MMP7: variants seen among roughly 807,000 people sequenced by gnomAD.
The protein encoded by MMP7 is matrix metallopeptidase 7, also known as matrilysin.
MMP7 carries 26 observed loss-of-function variants against 31.5 expected under a neutral mutation model. The observed-to-expected ratio is 0.83, with a 90% CI of 0.61 to 1.15. MMP7 has a LOEUF of 1.15. MMP7 is among the 50% of genes most tolerant of loss of function. MMP7 has a pLI of 0.00. For synonymous variants in MMP7, 142 were observed against 124.2 expected (o/e 1.14, Z -0.95); for missense variants, 367 against 326.5 (o/e 1.12, Z -0.96).
chr11:102,522,873 T>C lies in MMP7; in HGVS notation c.775+367A>G, dbSNP rs187004098. ...TTATCTAGGATTGAATCCTTAGGAG[T>C]GGGCAGCTATGAAGAAAGGTGTTTT... On this transcript the variant is annotated intron_variant, in intron 5 of 5. Coordinates refer to ENST00000260227, the MANE Select transcript of MMP7 (RefSeq NM_002423.5). Among the ~76,000 whole-genome samples, 19 of 152,046 alleles carry C rather than the reference T, an allele frequency of 1.2e-4. No homozygotes were observed. In the East Asian group the frequency reaches 3.1e-3, roughly 25 times the overall value.
At chr11:102,528,036 T>A (rs1858694033) in intron 1 of MMP7, 53 bp from the exon 2 acceptor site, 1 of 1,317,712 alleles carries the variant, frequency 7.6e-7, no homozygotes, top group Non-Finnish European at 1.1e-6. Flanking sequence ...TATTCTTTTA[T>A]CTTAGAAGCC....
At position 102,530,746 on chromosome 11, in the gene MMP7, G is replaced by A. The variant is rs773791591; in HGVS notation, c.-46C>T. 6.4e-7 allele frequency: 1 copy of A among 1,554,026 alleles called. No homozygotes were observed. The highest frequency in any genetic ancestry group is 1.1e-5 in the South Asian group (1 of 88,566). On this transcript the variant is annotated 5_prime_UTR_variant, in exon 1 of 6. Transcript: ENST00000260227. ...TGTTCTTGGACCTATGGTTGATTTG[G>A]TGTTTTCTGCTAGTGACTGCAGAAA...
intron 3 of MMP7, 54 bp from the exon 4 acceptor site, chr11:102,525,118 C>T (rs1484242105): frequency 3.2e-6 from 5 of 1,563,692 alleles, no homozygotes; most frequent in Non-Finnish European, 4.3e-6. Context: ...TTTCTCCAGT[C>T]ATTTTATTTT....
At chr11:102,526,496 C>T (rs993925193) in intron 3 of MMP7, among the ~76,000 whole-genome samples, 6 of 152,014 alleles carry the variant, frequency 3.9e-5, no homozygotes, top group Admixed American at 1.3e-4. Flanking sequence ...CTTGGCCTCC[C>T]GAAGTGCTGG....
intron 3 of MMP7, 104 bp from the exon 4 acceptor site, chr11:102,525,168 G>A (rs2135904142): frequency 7.1e-7 from 1 of 1,401,818 alleles, no homozygotes; most frequent in Non-Finnish European, 9.5e-7. Flanking sequence ...AAGCAGCCCA[G>A]TCCAGGCCAG....
chr11:102,526,526 C>A (rs779116240), intron 3 of MMP7, among the ~76,000 whole-genome samples: 3 of 152,106 alleles, frequency 2.0e-5, no homozygotes, highest in Non-Finnish European at 4.4e-5. Context: ...CGTGAGCCAC[C>A]ACACCCTGCT....
intron 3 of MMP7, among the ~76,000 whole-genome samples, chr11:102,526,814 T>C (rs1046850900): frequency 1.3e-4 from 20 of 152,224 alleles, no homozygotes; most frequent in African/African-American, 4.6e-4. Context: ...CCTAGTGATA[T>C]AGTAGTTGTG....
intron 5 of MMP7, among the ~76,000 whole-genome samples, chr11:102,522,719 C>G (rs1858626468): frequency 6.6e-6 from 1 of 152,054 alleles, no homozygotes; most frequent in Admixed American, 6.5e-5. Context: ...TTGATTAAAC[C>G]AAAAAAGCAT....
At chr11:102,522,087 A>C (rs1858619598) in intron 5 of MMP7, among the ~76,000 whole-genome samples, 2 of 152,220 alleles carry the variant, frequency 1.3e-5, no homozygotes, top group Admixed American at 1.3e-4. Context: ...CTAATAGTCT[A>C]TACACCTGAA....
In MMP7 at chr11:102,523,357, A is replaced by C. The variant is rs749896800; in HGVS notation, c.658T>G (p.Leu220Val). The change falls in exon 5 of 6, where the codon TTG becomes GTG. Residue 220 changes from leucine to valine, a missense_variant. Physicochemically the swap from Leu to Val is conservative, Grantham distance 32 (BLOSUM62 1). Transcript: ENST00000260227. ...GGATCAGAGGAATGTCCCATACCCA[A>C]AGAATGGCCAAGTTCATGAGTTGCA... ...YAATHELGHS[L>V]GMGHSSDPNA... The C allele has an allele frequency of 6.2e-7, 1 of 1,611,082 alleles. No homozygotes were observed.
At chr11:102,529,372 T>C (rs1858707279) in intron 1 of MMP7, among the ~76,000 whole-genome samples, 1 of 152,194 alleles carries the variant, frequency 6.6e-6, no homozygotes, top group Non-Finnish European at 1.5e-5. Flanking sequence ...CTGGAAGAAA[T>C]CTCTCTGCTT....
intron 4 of MMP7, 62 bp from the exon 5 acceptor site, chr11:102,523,463 A>G (rs1209918959): frequency 5.6e-5 from 70 of 1,239,954 alleles, no homozygotes; most frequent in Non-Finnish European, 6.6e-5. Flanking sequence ...ATGTAATATT[A>G]TATATATGAT....
At chr11:102,520,871 A>G (rs1858605673) in intron 5 of MMP7, 67 bp from the exon 6 acceptor site, 1 of 1,048,756 alleles carries the variant, frequency 9.5e-7, no homozygotes, top group Non-Finnish European at 1.4e-6. Context: ...CTAAGATTAT[A>G]CAGGCAAAGG....
rs769854536 is a variant in MMP7 at position 102,527,937 on chromosome 11, G to A, written c.155C>T (p.Ala52Val). Reference protein sequence around the residue: ...FYLYDSETKNANSLEAKLKEM... With the variant: ...FYLYDSETKNVNSLEAKLKEM... Reference sequence around the variant, plus strand: ...CTTGAGTTTGGCTTCTAAACTGTTGGCATTTTTTGTTTCTGAGTCATAGAG... The same window carrying A: ...CTTGAGTTTGGCTTCTAAACTGTTGACATTTTTTGTTTCTGAGTCATAGAG... Residue 52 changes from alanine (A) to valine (V), a missense_variant, in exon 2 of 6, where the codon GCC (alanine) becomes GTC (valine). Ala to Val is a moderately conservative substitution (Grantham distance 64). Transcript: ENST00000260227. 39 of 1,613,828 alleles carry A rather than the reference G, an allele frequency of 2.4e-5. No homozygotes were observed. The highest frequency in any genetic ancestry group is 3.0e-5 in the Non-Finnish European group (35 of 1,179,978).
At chr11:102,529,364 G>T (rs1035480757) in intron 1 of MMP7, among the ~76,000 whole-genome samples, 3 of 152,096 alleles carry the variant, frequency 2.0e-5, no homozygotes, top group Non-Finnish European at 2.9e-5. Context: ...GACACCCTCT[G>T]GAAGAAATCT....
chr11:102,521,577 T>G (rs945241412), intron 5 of MMP7, among the ~76,000 whole-genome samples: 3 of 152,194 alleles, frequency 2.0e-5, no homozygotes, highest in Non-Finnish European at 4.4e-5. Flanking sequence ...TTTCTGCTCA[T>G]ATTACTTTTT....
At chr11:102,526,240 A>ACT (rs1858671077) in intron 3 of MMP7, among the ~76,000 whole-genome samples, 1 of 131,492 alleles carries the variant, frequency 7.6e-6, no homozygotes, top group Non-Finnish European at 1.6e-5. Flanking sequence ...ATATATATAT[A>ACT]TTTTTTTTTT....
At chr11:102,525,223 A>T (rs1191748444) in intron 3 of MMP7, among the ~76,000 whole-genome samples, 159 bp from the exon 4 acceptor site, 3 of 152,026 alleles carry the variant, frequency 2.0e-5, no homozygotes, top group African/African-American at 7.2e-5. Context: ...GGATCACCTG[A>T]GGTCAGGAGT....
chr11:102,526,802 A>G (rs1858677464), intron 3 of MMP7, among the ~76,000 whole-genome samples: 1 of 152,226 alleles, frequency 6.6e-6, no homozygotes, highest in Non-Finnish European at 1.5e-5. Context: ...AAATTCCTAT[A>G]GCCTAGTGAT....
Sources: allele counts gnomAD v4.1 joint callset (sites outside exome capture counted in the v4.1 genomes callset), GRCh38; gene constraint gnomAD v4.1.1; transcripts MANE v1.5; gene names NCBI Gene and HGNC (gene_info 2026-07-23, HGNC 2026-07-21).